CPSF3: variants seen among roughly 807,000 people sequenced by gnomAD.
CPSF3 encodes cleavage and polyadenylation specific factor 3, also known as cleavage and polyadenylation specificity factor subunit 3.
A neutral mutation model predicts 84.1 loss-of-function variants in CPSF3; 57 were observed. That is an observed-to-expected ratio of 0.68 (90% CI 0.55 to 0.85). CPSF3 has a LOEUF of 0.85. CPSF3 is among the 40% of genes least tolerant of loss of function. The pLI, the probability that CPSF3 is intolerant of heterozygous loss-of-function variation, is 0.00. For synonymous variants in CPSF3, 275 were observed against 278.1 expected, an observed-to-expected ratio of 0.99 and a Z score of 0.11; for missense variants, 522 against 838.8, an observed-to-expected ratio of 0.62 and a Z score of 4.66.
chr2:9,459,613 GA>G lies in CPSF3; in HGVS notation c.1785del (p.Gly596ValfsTer10), dbSNP rs757884906. ...GAAGTTCAGTCAAATCCCAAAATAA[GA>G]AAAGGTAAGAGTTCATTTTTATCCT... The part of the protein sequence containing the change: ...ILEVQSNPKI[R>X]KGAVQKVSKK... On this transcript the variant is annotated frameshift_variant, in exon 15 of 18. Transcript: ENST00000238112. LOFTEE classifies it high-confidence loss of function. The G allele has an allele frequency of 1.5e-5, 7 of 481,882 alleles. No individual in the cohort carries two copies. The Admixed American group carries it at 1.9e-4, about 13-fold the overall frequency. 29.9% of individuals were successfully genotyped at this position (481,882 alleles called of 1,614,324 possible). A position where few individuals can be genotyped will look rare whatever the true frequency, so the allele number is the denominator to read the frequency against.
At chr2:9,432,858 C>T (rs916760148) in intron 5 of CPSF3, among the ~76,000 whole-genome samples, 170 bp downstream of exon 5, 1 of 152,048 alleles carries the variant, frequency 6.6e-6, no homozygotes, top group African/African-American at 2.4e-5. Context: ...GCAGTTCCTA[C>T]CTCCATTACA....
intron 10 of CPSF3, among the ~76,000 whole-genome samples, chr2:9,444,511 A>G (rs1681064751): frequency 6.6e-6 from 1 of 152,164 alleles, no homozygotes. Context: ...GGTAAGCTGA[A>G]AAAAGTGTGT....
At chr2:9,456,661 T>G (rs1681541564) in intron 13 of CPSF3, among the ~76,000 whole-genome samples, 1 of 152,234 alleles carries the variant, frequency 6.6e-6, no homozygotes, top group South Asian at 2.1e-4. Flanking sequence ...AAATCTCTTG[T>G]ATACAAAAGA....
chr2:9,444,415 T>C (rs534686393), intron 10 of CPSF3, among the ~76,000 whole-genome samples: 1 of 151,884 alleles, frequency 6.6e-6, no homozygotes, highest in South Asian at 2.1e-4. Flanking sequence ...CGCGAGCCAC[T>C]GCACCCGGCC....
Position 9,441,864 on chromosome 2 carries a change from C to T in CPSF3, c.983C>T (p.Ser328Phe). The T allele has an allele frequency of 6.2e-7, 1 of 1,614,108 alleles. No individual in the cohort carries two copies. Among genetic ancestry groups the T allele is most frequent in the South Asian group, 1.1e-5 (1 of 91,076 alleles). ...DDIGPSVVMA[S>F]PGMMQSGLSR... ...ATTGGTCCCAGTGTTGTAATGGCCT[C>T]CCCAGGCATGATGCAAAGTGGCTTA... is the stretch of plus-strand genomic sequence containing the variant. Residue 328 changes from serine (S) to phenylalanine (F), a missense_variant, in exon 9 of 18, where the codon TCC (serine) becomes TTC (phenylalanine). Ser to Phe is a radical substitution (Grantham distance 155). This residue lies in a region of CPSF3 where 329 missense variants were observed against 607.2 expected (regional missense o/e 0.54). Transcript: ENST00000238112.
intron 10 of CPSF3, 138 bp downstream of exon 10, chr2:9,443,799 T>G (rs1437313089): frequency 2.4e-6 from 2 of 848,950 alleles, no homozygotes; most frequent in African/African-American, 1.7e-5. Flanking sequence ...TCACATGCAC[T>G]CGGATTTGGC....
chr2:9,472,983 A>C lies in CPSF3; in HGVS notation c.2021A>C (p.Gln674Pro), dbSNP rs1384229279. 6.2e-7 allele frequency: 1 copy of C among 1,613,850 alleles called. No homozygotes were observed. The highest frequency in any genetic ancestry group is 1.3e-5 in the African/African-American group (1 of 74,896). ...CGAGAAATGGTGGAGCTGGCTGCAC[A>C]GAGACTGTACGAGGCCCTGACGCCA... ...SLREMVELAA[Q>P]RLYEALTPVH Residue 674 changes from glutamine (Q) to proline (P), a missense_variant, in exon 18 of 18, where the codon CAG becomes CCG. Coordinates refer to ENST00000238112, the MANE Select transcript of CPSF3 (RefSeq NM_016207.4).
chr2:9,448,929 T>G (rs1212680121), intron 11 of CPSF3, among the ~76,000 whole-genome samples: 1 of 152,178 alleles, frequency 6.6e-6, no homozygotes, highest in Non-Finnish European at 1.5e-5. Flanking sequence ...TACCCACATC[T>G]GAGGGTAAAG....
chr2:9,435,615 G>A (rs557931380), intron 6 of CPSF3, among the ~76,000 whole-genome samples: 7 of 151,888 alleles, frequency 4.6e-5, no homozygotes, highest in African/African-American at 1.7e-4. Context: ...TAGAGACGGG[G>A]TTTCATCCTG....
intron 4 of CPSF3, among the ~76,000 whole-genome samples, chr2:9,431,857 T>A (rs1184195291): frequency 6.6e-6 from 1 of 152,126 alleles, no homozygotes; most frequent in Non-Finnish European, 1.5e-5. Flanking sequence ...AGCCGGGAGA[T>A]AAATATATTT....
chr2:9,466,334 G>GAC (rs1681954701), intron 15 of CPSF3, among the ~76,000 whole-genome samples: 1 of 48,324 alleles, frequency 2.1e-5, no homozygotes, highest in Non-Finnish European at 5.4e-5. Flanking sequence ...ACAGACGCAC[G>GAC]CACACACGCG....
At chr2:9,444,778 G>A (rs953244550) in intron 10 of CPSF3, among the ~76,000 whole-genome samples, 10 of 152,088 alleles carry the variant, frequency 6.6e-5, no homozygotes, top group African/African-American at 2.2e-4. Context: ...CAATTCTCCT[G>A]CCTCAGCCTT....
At chr2:9,461,104 G>C (rs1476636714) in intron 15 of CPSF3, among the ~76,000 whole-genome samples, 2 of 152,128 alleles carry the variant, frequency 1.3e-5, no homozygotes, top group African/African-American at 4.8e-5. Flanking sequence ...ATTCATTTGA[G>C]TCACTGGTAA....
At chr2:9,459,401 T>A (rs1681644843) in intron 14 of CPSF3, 130 bp from the exon 15 acceptor site, 2 of 694,898 alleles carry the variant, frequency 2.9e-6, no homozygotes, top group Non-Finnish European at 5.3e-6. Context: ...ATGAGTCAGT[T>A]AATTTCATTG....
chr2:9,450,521 C>T (rs759980515), intron 11 of CPSF3, among the ~76,000 whole-genome samples: 14 of 152,070 alleles, frequency 9.2e-5, no homozygotes, highest in African/African-American at 3.1e-4. Context: ...GGTGCTGTGG[C>T]TCACGCCCAT....
chr2:9,428,690 T>TA (rs1680475607), intron 1 of CPSF3, 75 bp from the exon 2 acceptor site: 1 of 1,005,904 alleles, frequency 9.9e-7, no homozygotes, highest in Non-Finnish European at 1.6e-6. Flanking sequence ...GTGTACATTG[T>TA]AAAAAAGTGT....
rs116732267 is a variant in CPSF3 at position 9,432,400 on chromosome 2, T to C, written c.342-111T>C. 2.3e-3 allele frequency: 1,586 copies of C among 695,130 alleles called. 19 individuals are homozygous for C. In the African/African-American group the frequency reaches 0.025, roughly 11 times the overall value. The allele number at this position is 695,130 out of a possible 1,614,324, so 43.1% of individuals were successfully genotyped here. ...TTTTAAATACATGATTCATACAGTA[T>C]ATTTTAAAGAAATATCTTCATGGAG... On this transcript the variant is annotated intron_variant, in intron 4 of 17. Coordinates refer to ENST00000238112, the MANE Select transcript of CPSF3 (RefSeq NM_016207.4).
chr2:9,461,548 C>T (rs1189274092), intron 15 of CPSF3, among the ~76,000 whole-genome samples: 1 of 151,650 alleles, frequency 6.6e-6, no homozygotes, highest in Non-Finnish European at 1.5e-5. Flanking sequence ...TGCCTGTAAT[C>T]CCAGCCAGCT....
Position 9,443,704 on chromosome 2 carries a change from G to A in CPSF3, c.1242+43G>A, listed in dbSNP as rs758528490. 1.9e-6 allele frequency: 3 copies of A among 1,601,052 alleles called. No homozygotes were observed. In the South Asian group the frequency reaches 3.3e-5, roughly 18 times the overall value. On this transcript the variant is annotated intron_variant, in intron 10 of 17. Coordinates refer to ENST00000238112, the MANE Select transcript of CPSF3 (RefSeq NM_016207.4). ...ATTTATTGTATTAAAGGGAAAAAAAGTGCATACCCAGGAAACTGTGCAGCA... is the reference window on the plus strand; with the variant it reads ...ATTTATTGTATTAAAGGGAAAAAAAATGCATACCCAGGAAACTGTGCAGCA...
Sources: gnomAD v4.1 joint callset for allele counts (sites outside exome capture counted in the v4.1 genomes callset) on GRCh38, gnomAD v4.1.1 for gene constraint, gnomAD v4.1.1 regional missense constraint, MANE v1.5 for transcripts, NCBI Gene and HGNC (gene_info 2026-07-23, HGNC 2026-07-21) for gene names.